TTLL5: variants seen among roughly 807,000 people sequenced by gnomAD.
The protein encoded by TTLL5 is tubulin polyglutamylase TTLL5.
A neutral mutation model predicts 168.4 loss-of-function variants in TTLL5; 132 were observed. That is an observed-to-expected ratio of 0.78 (90% CI 0.68 to 0.91). The LOEUF (loss-of-function observed/expected upper bound fraction) is 0.91, where lower values mean the gene tolerates loss of function less well. TTLL5 is among the 40% of genes least tolerant of loss of function. The pLI is 0.00. For synonymous variants in TTLL5, 546 were observed against 558.6 expected (o/e 0.98, Z 0.32); for missense variants, 1,545 against 1,581.5 (o/e 0.98, Z 0.39).
intron 12 of TTLL5, among the ~76,000 whole-genome samples, chr14:75,731,225 T>G (rs1594939285): frequency 6.6e-6 from 1 of 152,178 alleles, no homozygotes; most frequent in South Asian, 2.1e-4. Context: ...CTCTGGTCTG[T>G]GACCTCTGAT....
intron 3 of TTLL5, among the ~76,000 whole-genome samples, chr14:75,677,638 G>C (rs1884278930): frequency 6.6e-6 from 1 of 151,188 alleles, no homozygotes; most frequent in Non-Finnish European, 1.5e-5. Flanking sequence ...TTTTTTAAGA[G>C]ACAGGGTCTT....
intron 31 of TTLL5, among the ~76,000 whole-genome samples, chr14:75,920,243 T>C (rs1397499541): frequency 1.3e-5 from 2 of 152,236 alleles, no homozygotes; most frequent in Non-Finnish European, 2.9e-5. Context: ...TACAGACCTC[T>C]TGTAGCCCAA....
intron 21 of TTLL5, among the ~76,000 whole-genome samples, chr14:75,773,218 A>G (rs1891452544): frequency 6.6e-6 from 1 of 152,240 alleles, no homozygotes; most frequent in African/African-American, 2.4e-5. Context: ...TCCTTCAACC[A>G]TCAGTGGAAA....
At position 75,863,741 on chromosome 14, in the gene TTLL5, TC is replaced by T; in HGVS notation, c.3406del (p.Gln1136SerfsTer55). 2 of 1,612,654 alleles carry T rather than the reference TC, an allele frequency of 1.2e-6. No individual in the cohort carries two copies. The highest frequency in any genetic ancestry group is 1.1e-5 in the South Asian group (1 of 90,966). On this transcript the variant is annotated frameshift_variant, in exon 29 of 32. Coordinates refer to ENST00000298832, the MANE Select transcript of TTLL5 (RefSeq NM_015072.5). LOFTEE classifies it high-confidence loss of function. Reference sequence around the variant, plus strand: ...GTGTACAGCCAGGCTACAGGGGTGGTCCCCCAGCACAAGTATCACCCCACAG... The same window carrying T: ...GTGTACAGCCAGGCTACAGGGGTGGTCCCCAGCACAAGTATCACCCCACAG... ...NNVYSQATGV[V>X]PQHKYHPTAG...
At chr14:75,811,195 G>GTGTGTA (rs1894000211) in intron 27 of TTLL5, among the ~76,000 whole-genome samples, 1 of 147,782 alleles carries the variant, frequency 6.8e-6, no homozygotes, top group Non-Finnish European at 1.5e-5. Context: ...GTGTATGTGT[G>GTGTGTA]TGTGTGTGTT....
At chr14:75,767,387 G>T (rs1891029471) in intron 20 of TTLL5, among the ~76,000 whole-genome samples, 1 of 152,184 alleles carries the variant, frequency 6.6e-6, no homozygotes, top group African/African-American at 2.4e-5. Flanking sequence ...AGGACAATAA[G>T]ATGGTGTAAT....
intron 18 of TTLL5, among the ~76,000 whole-genome samples, chr14:75,761,784 G>A (rs1002785157): frequency 1.3e-5 from 2 of 152,110 alleles, no homozygotes; most frequent in Admixed American, 1.3e-4. Flanking sequence ...TTGTCAGAAC[G>A]CATTAAGTGG....
chr14:75,840,923 G>A (rs920933336), intron 28 of TTLL5, among the ~76,000 whole-genome samples: 2 of 152,214 alleles, frequency 1.3e-5, no homozygotes, highest in African/African-American at 2.4e-5. Flanking sequence ...GAAGTGTGGT[G>A]CCAGTATTTG....
At chr14:75,863,309 G>GC (rs1041195579) in intron 28 of TTLL5, among the ~76,000 whole-genome samples, 5 of 152,180 alleles carry the variant, frequency 3.3e-5, no homozygotes, top group African/African-American at 7.2e-5. Context: ...CCTTAAGTTA[G>GC]CCCCCCATCC....
rs527547942 is a variant in TTLL5, at chr14:75,919,520, C to T, written c.3823+17296C>T. ...CAACAACTATTCAGTGGTACCAAGA[C>T]TATTCAGCGGAATAGTCTCTTCAAC... On this transcript the variant is annotated intron_variant, in intron 31 of 31. Transcript: ENST00000298832. Among the ~76,000 whole-genome samples, 20 of 152,264 alleles carry T rather than the reference C, an allele frequency of 1.3e-4. No homozygotes were observed. In the South Asian group the frequency reaches 2.9e-3, roughly 22 times the overall value.
chr14:75,810,661 C>T lies in TTLL5; in HGVS notation c.3172-9346C>T, dbSNP rs1158643168. On this transcript the variant is annotated intron_variant, in intron 27 of 31. Transcript: ENST00000298832. The stretch of plus-strand genomic sequence containing the variant: ...TGATTACACACATGAGCTACTGTGC[C>T]TGACCCTAAATCTTTAATGCTTAAT... 2.0e-5 allele frequency among the ~76,000 whole-genome samples: 3 copies of T among 152,212 alleles called. No individual in the cohort carries two copies. In the East Asian group the frequency reaches 5.8e-4, roughly 29 times the overall value.
At chr14:75,732,490 T>C (rs1888608066) in intron 13 of TTLL5, 71 bp downstream of exon 13, 6 of 1,309,462 alleles carry the variant, frequency 4.6e-6, no homozygotes, top group African/African-American at 1.5e-5. Flanking sequence ...TTTTTTTTGA[T>C]CATTTCTCTT....
intron 29 of TTLL5, among the ~76,000 whole-genome samples, chr14:75,869,002 G>A: frequency 6.7e-6 from 1 of 148,384 alleles, no homozygotes; most frequent in East Asian, 2.0e-4. Flanking sequence ...CTGGGGACAT[G>A]AGAGGGGAGG....
intron 26 of TTLL5, among the ~76,000 whole-genome samples, chr14:75,792,096 A>G (rs1892759545): frequency 6.6e-6 from 1 of 151,874 alleles, no homozygotes; most frequent in Admixed American, 6.6e-5. Flanking sequence ...TATATTAAAT[A>G]ATTTCTTTTT....
intron 18 of TTLL5, among the ~76,000 whole-genome samples, chr14:75,759,137 T>G (rs1215916594): frequency 6.6e-6 from 1 of 152,154 alleles, no homozygotes; most frequent in Non-Finnish European, 1.5e-5. Flanking sequence ...GAAAGGACAC[T>G]AATTACCAAT....
At chr14:75,782,008 C>A (rs957366457) in intron 24 of TTLL5, among the ~76,000 whole-genome samples, 1 of 147,282 alleles carries the variant, frequency 6.8e-6, no homozygotes, top group African/African-American at 2.5e-5. Context: ...ACAGAGCCAT[C>A]GTAGTATCCA....
At chr14:75,811,191 G>GTA (rs1893998228) in intron 27 of TTLL5, among the ~76,000 whole-genome samples, 3 of 142,772 alleles carry the variant, frequency 2.1e-5, no homozygotes, top group South Asian at 2.2e-4. Context: ...GTGTGTGTAT[G>GTA]TGTGTGTGTG....
At chr14:75,842,737 G>GA (rs1896326338) in intron 28 of TTLL5, among the ~76,000 whole-genome samples, 1 of 152,200 alleles carries the variant, frequency 6.6e-6, no homozygotes, top group Non-Finnish European at 1.5e-5. Flanking sequence ...AGGGAGGAAA[G>GA]AGATTATTCA....
At chr14:75,834,341 G>A (rs975521932) in intron 28 of TTLL5, among the ~76,000 whole-genome samples, 1 of 152,070 alleles carries the variant, frequency 6.6e-6, no homozygotes, top group East Asian at 1.9e-4. Flanking sequence ...AAGTTGAAAA[G>A]TTAAAGTGCT....
Sources: gnomAD v4.1 joint callset for allele counts (sites outside exome capture counted in the v4.1 genomes callset) on GRCh38, gnomAD v4.1.1 for gene constraint, MANE v1.5 for transcripts, NCBI Gene and HGNC (gene_info 2026-07-23, HGNC 2026-07-21) for gene names.